UBL3: variants seen among roughly 807,000 people sequenced by gnomAD.
The protein encoded by UBL3 is ubiquitin like 3.
Under a neutral mutation model 18.4 loss-of-function variants are expected in UBL3, and 6 were observed. The ratio of observed to expected loss-of-function variants is 0.33; its 90% confidence interval spans 0.18 to 0.64. The LOEUF (loss-of-function observed/expected upper bound fraction) is 0.64. UBL3 is among the 30% of genes least tolerant of loss of function. UBL3 has a pLI of 0.76. For synonymous variants in UBL3, 49 were observed against 46.6 expected (o/e 1.05, Z -0.21); for missense variants, 109 against 142.9 (o/e 0.76, Z 1.21).
intron 1 of UBL3, among the ~76,000 whole-genome samples, chr13:29,846,250 T>C (rs1436095019): frequency 6.6e-6 from 1 of 152,144 alleles, no homozygotes; most frequent in Non-Finnish European, 1.5e-5. Context: ...CACAAATAAG[T>C]TACTACACTA....
Position 29,833,521 on chromosome 13 carries a change from C to A in UBL3, c.27+15991G>T, listed in dbSNP as rs570367616. 6.6e-5 allele frequency among the ~76,000 whole-genome samples: 10 copies of A among 152,190 alleles called. No individual in the cohort carries two copies. The South Asian group carries it at 2.1e-3, about 32-fold the overall frequency. ...GACACACTGTGAGATTTAAAAAGAA[C>A]AAAGACTCCAATGAGGCAATATTCC... On this transcript the variant is annotated intron_variant, in intron 1 of 4. Transcript: ENST00000380680.
At chr13:29,849,405 C>T (rs1593681630) in intron 1 of UBL3, 107 bp downstream of exon 1, 4 of 1,513,432 alleles carry the variant, frequency 2.6e-6, no homozygotes, top group East Asian at 4.6e-5. Flanking sequence ...AGCACAGTGG[C>T]TTTTCGACAG....
chr13:29,818,237 T>A (rs2139346835), intron 1 of UBL3, among the ~76,000 whole-genome samples: 1 of 152,342 alleles, frequency 6.6e-6, no homozygotes, highest in East Asian at 1.9e-4. Context: ...TTCTAATTCA[T>A]GATCAAGAAA....
At chr13:29,773,785 T>C (rs1314768027) in intron 2 of UBL3, among the ~76,000 whole-genome samples, 2 of 152,176 alleles carry the variant, frequency 1.3e-5, no homozygotes, top group Non-Finnish European at 2.9e-5. Context: ...CAAGATTTTT[T>C]TGAACCTTTG....
At position 29,828,659 on chromosome 13, in the gene UBL3, G is replaced by A. The variant is rs1039787900; in HGVS notation, c.27+20853C>T. ...GCTCGGAGAAGTCTGATCATCTGAA[G>A]CCTTCTTCTCTCAACTCGTCAAAGT... On this transcript the variant is annotated intron_variant, in intron 1 of 4. Coordinates refer to ENST00000380680, the MANE Select transcript of UBL3 (RefSeq NM_007106.4). 5.3e-5 allele frequency among the ~76,000 whole-genome samples: 8 copies of A among 152,288 alleles called. No homozygotes were observed. The South Asian group carries it at 1.7e-3, about 32-fold the overall frequency.
At chr13:29,828,493 C>T (rs1359428198) in intron 1 of UBL3, among the ~76,000 whole-genome samples, 1 of 152,168 alleles carries the variant, frequency 6.6e-6, no homozygotes, top group African/African-American at 2.4e-5. Context: ...GTGCATTTGT[C>T]ACGTAGTTCT....
intron 1 of UBL3, among the ~76,000 whole-genome samples, chr13:29,835,143 T>C (rs59999859): frequency 8.0e-5 from 1 of 12,464 alleles, no homozygotes; most frequent in Admixed American, 9.5e-4. Context: ...TATATATATA[T>C]ATATATATAT....
At chr13:29,791,969 T>G (rs1379042026) in intron 1 of UBL3, among the ~76,000 whole-genome samples, 1 of 152,228 alleles carries the variant, frequency 6.6e-6, no homozygotes, top group Non-Finnish European at 1.5e-5. Flanking sequence ...GCACATTTAT[T>G]ATGCGTATGT....
chr13:29,798,520 T>C lies in UBL3; in HGVS notation c.28-21257A>G, dbSNP rs573479093. Among the ~76,000 whole-genome samples the C allele has an allele frequency of 2.0e-5, 3 of 152,332 alleles. No homozygotes were observed. In the East Asian group the frequency reaches 5.8e-4, roughly 29 times the overall value. ...AGCTCTAAAAAAGAAGAGGCCACAG[T>C]CCATAAGCTTACTAACAGTCCTTAT... On this transcript the variant is annotated intron_variant, in intron 1 of 4. Coordinates refer to ENST00000380680, the MANE Select transcript of UBL3 (RefSeq NM_007106.4).
intron 4 of UBL3, 132 bp from the exon 5 acceptor site, chr13:29,767,439 C>A: frequency 8.0e-7 from 1 of 1,250,122 alleles, no homozygotes; most frequent in Admixed American, 2.6e-5. Flanking sequence ...AATTAAGAAG[C>A]TGTAATAAAT....
At chr13:29,833,953 C>T (rs1878851376) in intron 1 of UBL3, among the ~76,000 whole-genome samples, 2 of 152,000 alleles carry the variant, frequency 1.3e-5, no homozygotes, top group African/African-American at 2.4e-5. Context: ...TTTGGGAGGC[C>T]GCAGCGGGCA....
chr13:29,770,220 T>C (rs1876804343), intron 3 of UBL3, among the ~76,000 whole-genome samples: 1 of 152,016 alleles, frequency 6.6e-6, no homozygotes. Context: ...ACAGGGAGGC[T>C]AAAAAGAAAA....
Position 29,772,175 on chromosome 13 carries a change from T to C in UBL3, c.160A>G (p.Ser54Gly). Residue 54 changes from serine to glycine, a missense_variant, in exon 3 of 5, where the codon AGT becomes GGT. Ser to Gly is a moderately conservative substitution (Grantham distance 56). Coordinates refer to ENST00000380680, the MANE Select transcript of UBL3 (RefSeq NM_007106.4). ...PMDWEEEQVS[S>G]PNILRLIYQG... Reference sequence around the variant, plus strand: ...TAAATAAGTCGTAGAATATTTGGACTGCTGACCTGCTCTTCTTCCCAGTCT... The same window carrying C: ...TAAATAAGTCGTAGAATATTTGGACCGCTGACCTGCTCTTCTTCCCAGTCT... 1 of 1,612,072 alleles carries C rather than the reference T, an allele frequency of 6.2e-7. No individual in the cohort carries two copies. The highest frequency in any genetic ancestry group is 8.5e-7 in the Non-Finnish European group (1 of 1,178,712).
intron 3 of UBL3, among the ~76,000 whole-genome samples, chr13:29,769,094 A>T (rs1053496099): frequency 6.6e-6 from 1 of 152,090 alleles, no homozygotes; most frequent in African/African-American, 2.4e-5. Context: ...TGTCCATTAA[A>T]TCAAACAATC....
At chr13:29,800,669 T>G (rs1565994427) in intron 1 of UBL3, among the ~76,000 whole-genome samples, 1 of 152,128 alleles carries the variant, frequency 6.6e-6, no homozygotes, top group Non-Finnish European at 1.5e-5. Flanking sequence ...GCCATAAAAA[T>G]TTATAAAATA....
At chr13:29,840,494 T>C (rs1879069805) in intron 1 of UBL3, among the ~76,000 whole-genome samples, 2 of 152,162 alleles carry the variant, frequency 1.3e-5, no homozygotes, top group African/African-American at 4.8e-5. Context: ...ATAACCTTGA[T>C]ACCTAAATCT....
chr13:29,770,886 G>C (rs1876824139), intron 3 of UBL3, among the ~76,000 whole-genome samples: 1 of 151,842 alleles, frequency 6.6e-6, no homozygotes, highest in Non-Finnish European at 1.5e-5. Flanking sequence ...TTAGTAGATA[G>C]CAGCATTTTT....
At chr13:29,813,008 G>A (rs1377749065) in intron 1 of UBL3, among the ~76,000 whole-genome samples, 1 of 151,888 alleles carries the variant, frequency 6.6e-6, no homozygotes, top group African/African-American at 2.4e-5. Flanking sequence ...TTTCTAAAGA[G>A]TCATTTTTAC....
intron 1 of UBL3, among the ~76,000 whole-genome samples, chr13:29,835,150 A>AAATATATATATC (rs1878919523): frequency 3.8e-5 from 1 of 26,526 alleles, no homozygotes; most frequent in Non-Finnish European, 6.9e-5. Context: ...ATATATATAT[A>AAATATATATATC]TATATATATA....
Sources: gnomAD v4.1 joint callset for allele counts (sites outside exome capture counted in the v4.1 genomes callset) on GRCh38, gnomAD v4.1.1 for gene constraint, MANE v1.5 for transcripts, NCBI Gene and HGNC (gene_info 2026-07-23, HGNC 2026-07-21) for gene names.